KIAA1549: variants seen among roughly 807,000 people sequenced by gnomAD.
KIAA1549 encodes UPF0606 protein KIAA1549.
A neutral mutation model predicts 156.4 loss-of-function variants in KIAA1549; 70 were observed. The observed-to-expected ratio is 0.45, with a 90% CI of 0.37 to 0.55. The LOEUF is 0.55. Ranked by LOEUF, KIAA1549 falls within the 20% of genes least tolerant of loss-of-function variation. The probability of loss-of-function intolerance (pLI) is 0.00; values close to 1 mark genes in which losing one functional copy is unlikely to be tolerated. For missense variants in KIAA1549, 2,428 were observed against 2,540.9 expected (o/e 0.96, Z 0.96); for synonymous variants, 1,103 against 1,066.4 (o/e 1.03, Z -0.67).
In KIAA1549 at chr7:138,837,607, C is replaced by T. The variant is rs562716065; in HGVS notation, c.*299G>A. The T allele has an allele frequency of 7.1e-5, 38 of 533,246 alleles. No individual in the cohort carries two copies. In the East Asian group the frequency reaches 1.0e-3, roughly 14 times the overall value. 33.0% of individuals were successfully genotyped at this position (533,246 alleles called of 1,614,324 possible). A position where few individuals can be genotyped will look rare whatever the true frequency, so the allele number is the denominator to read the frequency against. On this transcript the variant is annotated 3_prime_UTR_variant, in exon 20 of 20. Transcript: ENST00000422774. ...TTAATCTCTACCTTTAAAAAAGAGA[C>T]GAATGCAGTCATTTTGTTAGCTTAG...
chr7:138,861,084 G>A (rs1810556668), intron 16 of KIAA1549, 55 bp downstream of exon 16: 1 of 1,573,422 alleles, frequency 6.4e-7, no homozygotes, highest in Non-Finnish European at 8.7e-7. Flanking sequence ...AGGCAGTCAG[G>A]CAACAAAGCT....
chr7:138,930,827 T>C (rs1812847808), intron 1 of KIAA1549, among the ~76,000 whole-genome samples: 1 of 152,242 alleles, frequency 6.6e-6, no homozygotes, highest in Non-Finnish European at 1.5e-5. Context: ...CTTCAAGAAC[T>C]TTTCCTTTGC....
chr7:138,954,771 G>C (rs1184277483), intron 1 of KIAA1549, among the ~76,000 whole-genome samples: 1 of 152,240 alleles, frequency 6.6e-6, no homozygotes, highest in Non-Finnish European at 1.5e-5. Flanking sequence ...GGGTGCTTGT[G>C]CAGGAACTGC....
intron 1 of KIAA1549, among the ~76,000 whole-genome samples, chr7:138,957,469 C>CTT (rs1813701647): frequency 8.4e-6 from 1 of 119,622 alleles, no homozygotes; most frequent in African/African-American, 3.1e-5. Context: ...CCTTCTTCTT[C>CTT]TTCTTCTTCT....
At chr7:138,887,744 T>C (rs1302846984) in intron 10 of KIAA1549, among the ~76,000 whole-genome samples, 1 of 152,180 alleles carries the variant, frequency 6.6e-6, no homozygotes, top group Non-Finnish European at 1.5e-5. Context: ...GCACAATAAA[T>C]TTGTGGTATG....
In KIAA1549 at chr7:138,871,352, C is replaced by T; in HGVS notation, c.4356G>A (p.Leu1452=). The stretch of plus-strand genomic sequence containing the variant: ...AGTGCTGCTCATTTCCCGAACTGGG[C>T]AGTGGTGGCCCTGGAACAGAAGGAA... ...SHRAPQSGPP[L]PSSGNEQHSS... is the part of the protein sequence containing the mutation. Residue 1452 remains leucine (L), a synonymous_variant, in exon 13 of 20, where the codon CTG becomes CTA. Transcript: ENST00000422774. The T allele has an allele frequency of 6.5e-7, 1 of 1,539,018 alleles. No homozygotes were observed. The highest frequency in any genetic ancestry group is 8.7e-7 in the Non-Finnish European group (1 of 1,144,760).
At chr7:138,870,551 G>A (rs1019527747) in intron 13 of KIAA1549, among the ~76,000 whole-genome samples, 1 of 152,114 alleles carries the variant, frequency 6.6e-6, no homozygotes, top group Non-Finnish European at 1.5e-5. Context: ...CCCCAAAGAC[G>A]GAAACCTGAA....
At chr7:138,919,566 T>C in intron 1 of KIAA1549, 128 bp from the exon 2 acceptor site, 1 of 1,455,372 alleles carries the variant, frequency 6.9e-7, no homozygotes, top group South Asian at 1.4e-5. Flanking sequence ...TGAATCACCG[T>C]CAGAAGTTAA....
At chr7:138,961,827 T>C (rs1413508056) in intron 1 of KIAA1549, among the ~76,000 whole-genome samples, 1 of 123,398 alleles carries the variant, frequency 8.1e-6, no homozygotes, top group Non-Finnish European at 1.6e-5. Flanking sequence ...AGGTGACAGA[T>C]AGAGGCTCTG....
chr7:138,932,761 T>C (rs1323425011), intron 1 of KIAA1549, among the ~76,000 whole-genome samples: 1 of 152,108 alleles, frequency 6.6e-6, no homozygotes, highest in Admixed American at 6.5e-5. Context: ...AAATGCAGCA[T>C]CTCAGGCCCA....
intron 1 of KIAA1549, among the ~76,000 whole-genome samples, chr7:138,941,975 A>ATATGT (rs1813196320): frequency 2.6e-5 from 4 of 152,116 alleles, no homozygotes; most frequent in Non-Finnish European, 5.9e-5. Flanking sequence ...TGTATATTTT[A>ATATGT]CCACATTACA....
intron 1 of KIAA1549, among the ~76,000 whole-genome samples, chr7:138,920,015 A>G (rs2130485426): frequency 6.6e-6 from 1 of 152,240 alleles, no homozygotes; most frequent in East Asian, 1.9e-4. Flanking sequence ...AGGCTTCCAC[A>G]TGAAGGCCCC....
chr7:138,978,310 T>C (rs1478998125), intron 1 of KIAA1549, among the ~76,000 whole-genome samples: 1 of 152,196 alleles, frequency 6.6e-6, no homozygotes. Context: ...TATTTCATAA[T>C]AACTATTACT....
intron 1 of KIAA1549, among the ~76,000 whole-genome samples, chr7:138,949,493 A>G (rs1326621811): frequency 2.0e-5 from 3 of 152,172 alleles, no homozygotes; most frequent in Non-Finnish European, 4.4e-5. Flanking sequence ...TTTTCTTCCC[A>G]TGCCCAACTG....
At chr7:138,848,590 T>G (rs1188299990) in intron 17 of KIAA1549, among the ~76,000 whole-genome samples, 1 of 152,232 alleles carries the variant, frequency 6.6e-6, no homozygotes, top group Non-Finnish European at 1.5e-5. Context: ...TCAATTTTTT[T>G]ATATCTATGT....
At chr7:138,971,863 G>C (rs1224297030) in intron 1 of KIAA1549, among the ~76,000 whole-genome samples, 2 of 152,144 alleles carry the variant, frequency 1.3e-5, no homozygotes, top group African/African-American at 4.8e-5. Context: ...CCTGCTATCT[G>C]AGCACACAGG....
chr7:138,929,422 T>C (rs1379290591), intron 1 of KIAA1549, among the ~76,000 whole-genome samples: 3 of 152,240 alleles, frequency 2.0e-5, no homozygotes, highest in Admixed American at 2.0e-4. Flanking sequence ...TGCTTCTAAT[T>C]CAGGTTCTTC....
chr7:138,930,749 G>T (rs73168960), intron 1 of KIAA1549, among the ~76,000 whole-genome samples: 2 of 152,130 alleles, frequency 1.3e-5, no homozygotes, highest in African/African-American at 4.8e-5. Context: ...AGCTTTCTCC[G>T]TATCAGCAAC....
intron 1 of KIAA1549, among the ~76,000 whole-genome samples, chr7:138,975,581 G>A (rs1814352059): frequency 6.6e-6 from 1 of 152,120 alleles, no homozygotes; most frequent in Non-Finnish European, 1.5e-5. Context: ...AGGAAACCCA[G>A]GACAAGGTAA....
Sources: allele counts gnomAD v4.1 joint callset (sites outside exome capture counted in the v4.1 genomes callset), GRCh38; gene constraint gnomAD v4.1.1; transcripts MANE v1.5; gene names NCBI Gene and HGNC (gene_info 2026-07-23, HGNC 2026-07-21).